Variants in PPP4R1 observed in about 807,000 individuals in gnomAD.
The protein encoded by PPP4R1 is protein phosphatase 4 regulatory subunit 1.
PPP4R1 carries 42 observed loss-of-function variants against 111.2 expected under a neutral mutation model. The ratio of observed to expected loss-of-function variants is 0.38; its 90% confidence interval spans 0.29 to 0.49. The LOEUF is 0.49. PPP4R1 is among the 20% of genes least tolerant of loss of function. PPP4R1 has a pLI of 0.97. For missense variants in PPP4R1, 1,012 were observed against 1,161.6 expected, an observed-to-expected ratio of 0.87 and a Z score of 1.87; for synonymous variants, 409 against 405.5, an observed-to-expected ratio of 1.01 and a Z score of -0.10.
In PPP4R1 at chr18:9,584,708, G is replaced by A. The variant is rs956255062; in HGVS notation, c.693+13C>T. 4 of 1,611,340 alleles carry A rather than the reference G, an allele frequency of 2.5e-6. No individual in the cohort carries two copies. The highest frequency in any genetic ancestry group is 1.1e-5 in the South Asian group (1 of 90,808). ...TGTTCTTAAACAGCAGAAAAAAAAC[G>A]ACAAAAAAATACCTTTCGAACGTGA... On this transcript the variant is annotated intron_variant, in intron 7 of 19. Transcript: ENST00000400556.
intron 2 of PPP4R1, among the ~76,000 whole-genome samples, chr18:9,612,912 A>ACTCGT (rs2067606613): frequency 6.6e-6 from 1 of 152,154 alleles, no homozygotes; most frequent in African/African-American, 2.4e-5. Context: ...AAGATAAATT[A>ACTCGT]CTCGTTTCAG....
chr18:9,556,028 G>A (rs1259110651), intron 15 of PPP4R1, among the ~76,000 whole-genome samples: 1 of 150,828 alleles, frequency 6.6e-6, no homozygotes, highest in African/African-American at 2.4e-5. Flanking sequence ...GGGCTTAGTG[G>A]CACGCACCTG....
Position 9,570,515 on chromosome 18 carries a change from A to C in PPP4R1, c.1215T>G (p.Ser405=). 6.2e-7 allele frequency: 1 copy of C among 1,614,214 alleles called. No individual in the cohort carries two copies. Among genetic ancestry groups the C allele is most frequent in the Admixed American group, 1.7e-5 (1 of 60,026 alleles). ...ATTCTGAGGACAAAGTACAAAGTAA[A>C]GAGCTGTCCAGTGGAACACTAATTT... ...LGEISVPLDS[S]LLCTLSSESH... Residue 405 remains serine, a synonymous_variant, in exon 11 of 20, where the codon TCT becomes TCG. Coordinates refer to ENST00000400556, the MANE Select transcript of PPP4R1 (RefSeq NM_001042388.3).
chr18:9,560,648 G>T (rs1184629916), intron 13 of PPP4R1, among the ~76,000 whole-genome samples: 1 of 152,104 alleles, frequency 6.6e-6, no homozygotes, highest in South Asian at 2.1e-4. Context: ...GTGGGGAAAA[G>T]CATGTTTCAA....
At chr18:9,554,724 T>C (rs2066543642) in intron 15 of PPP4R1, among the ~76,000 whole-genome samples, 1 of 152,202 alleles carries the variant, frequency 6.6e-6, no homozygotes, top group African/African-American at 2.4e-5. Flanking sequence ...AGGACCACAG[T>C]TCCTTGGAGA....
intron 4 of PPP4R1, among the ~76,000 whole-genome samples, chr18:9,590,854 A>C (rs2067199449): frequency 6.6e-6 from 1 of 152,214 alleles, no homozygotes; most frequent in Admixed American, 6.5e-5. Flanking sequence ...ATCTCAAAGA[A>C]GACACAAACG....
rs1448718621 is a variant in PPP4R1, at chr18:9,614,324, ACGCCCCCCCCCCGCC to A, written c.8-69_8-55del. ...GGTCAGCGCCCCGGGGCCCGGCGCGACGCCCCCCCCCCGCCCGCCTCCCCCCCGCCCCGGGGGCGC... is the reference window on the plus strand; with the variant it reads ...GGTCAGCGCCCCGGGGCCCGGCGCGACGCCTCCCCCCCGCCCCGGGGGCGC... On this transcript the variant is annotated intron_variant, in intron 1 of 19. Transcript: ENST00000400556. This position sits in a 1 kb window ranked among gnomAD's most constrained non-coding sequence, Gnocchi z 4.1. 225 of 1,020,858 alleles carry A rather than the reference ACGCCCCCCCCCCGCC, an allele frequency of 2.2e-4. No homozygotes were observed. The highest frequency in any genetic ancestry group is 4.9e-4 in the Admixed American group (7 of 14,404). The allele number at this position is 1,020,858 out of a possible 1,614,324, so 63.2% of individuals were successfully genotyped here.
chr18:9,602,599 C>T (rs1161907160), intron 2 of PPP4R1, among the ~76,000 whole-genome samples: 1 of 151,104 alleles, frequency 6.6e-6, no homozygotes, highest in Non-Finnish European at 1.5e-5. Context: ...GTGACTCACA[C>T]CTTTAATCCC....
At chr18:9,558,858 C>T (rs1190516787) in intron 14 of PPP4R1, among the ~76,000 whole-genome samples, 1 of 152,038 alleles carries the variant, frequency 6.6e-6, no homozygotes, top group East Asian at 1.9e-4. Context: ...GATGTCCAGA[C>T]AAAATGACGT....
At position 9,595,148 on chromosome 18, in the gene PPP4R1, C is replaced by T; in HGVS notation, c.58G>A (p.Val20Met). ...TCAGACTCTGAGCTGTAGTCATCCA[C>T]ACCAACTATCAGAGACATCAGAAAT... is the stretch of plus-strand genomic sequence containing the variant. ...DLQEDADGFG[V>M]DDYSSESDVI... is the part of the protein sequence containing the mutation. The change falls in exon 3 of 20, where the codon GTG becomes ATG. Residue 20 changes from valine to methionine, a missense_variant. By Grantham distance (21) the Val-to-Met change is conservative (BLOSUM62 1). Around this residue, in one of 2 missense-constraint regions of PPP4R1, gnomAD observed 707 missense variants for 742.1 expected, o/e 0.95. Coordinates refer to ENST00000400556, the MANE Select transcript of PPP4R1 (RefSeq NM_001042388.3). 6.2e-7 allele frequency: 1 copy of T among 1,613,666 alleles called. No individual in the cohort carries two copies. Among genetic ancestry groups the T allele is most frequent in the Non-Finnish European group, 8.5e-7 (1 of 1,179,710 alleles).
chr18:9,557,205 A>C lies in PPP4R1; in HGVS notation c.2190+16T>G. On this transcript the variant is annotated intron_variant, in intron 15 of 19. Coordinates refer to ENST00000400556, the MANE Select transcript of PPP4R1 (RefSeq NM_001042388.3). ...GAATTTTGTTGTGTTTTTATGCAAA[A>C]AAATTTAAAAGTTACCTTCAGAAAA... The C allele has an allele frequency of 6.4e-7, 1 of 1,559,932 alleles. No individual in the cohort carries two copies. The highest frequency in any genetic ancestry group is 1.2e-5 in the South Asian group (1 of 82,622).
At chr18:9,550,904 A>C (rs2066478658) in intron 16 of PPP4R1, 1 of 153,030 alleles carries the variant, frequency 6.5e-6, no homozygotes, top group Non-Finnish European at 1.5e-5. Flanking sequence ...AGGGGCCCTG[A>C]GACTTTCATG....
At chr18:9,582,915 C>T (rs191384911) in intron 9 of PPP4R1, among the ~76,000 whole-genome samples, 10 of 152,194 alleles carry the variant, frequency 6.6e-5, no homozygotes, top group African/African-American at 1.9e-4. Context: ...ATCAACAGGA[C>T]TTAAATGTGT....
Position 9,614,107 on chromosome 18 carries a change from G to C in PPP4R1, c.52+119C>G. The C allele has an allele frequency of 1.1e-6, 1 of 917,596 alleles. No homozygotes were observed. Among genetic ancestry groups the C allele is most frequent in the Non-Finnish European group, 1.4e-6 (1 of 712,504 alleles). 56.8% of individuals were successfully genotyped at this position (917,596 alleles called of 1,614,324 possible). On this transcript the variant is annotated intron_variant, in intron 2 of 19. Coordinates refer to ENST00000400556, the MANE Select transcript of PPP4R1 (RefSeq NM_001042388.3). The surrounding 1 kb of genome is among the most constrained non-coding windows in gnomAD (Gnocchi z 4.1). ...CCGATCGCCACCCCAGCCCGCCTGG[G>C]GCCGCCCTCGCCCACCGTCCCCTCA...
chr18:9,556,254 A>G (rs572540497), intron 15 of PPP4R1, among the ~76,000 whole-genome samples: 16 of 150,334 alleles, frequency 1.1e-4, no homozygotes, highest in African/African-American at 2.2e-4. Context: ...GTGCAGTGGC[A>G]TGATCTTGGC....
At chr18:9,559,628 G>GT in intron 13 of PPP4R1, 24 bp from the exon 14 acceptor site, 1 of 1,524,908 alleles carries the variant, frequency 6.6e-7, no homozygotes, top group Non-Finnish European at 8.9e-7. Context: ...AGAAACCACA[G>GT]TGACTGAGCA....
chr18:9,587,069 AC>A (rs1212175277), intron 6 of PPP4R1, among the ~76,000 whole-genome samples: 2 of 152,160 alleles, frequency 1.3e-5, no homozygotes, highest in Admixed American at 1.3e-4. Context: ...CAAAGACCAT[AC>A]CTGTCAGAGC....
At position 9,614,099 on chromosome 18, in the gene PPP4R1, CCGCCTGGGG is replaced by C; in HGVS notation, c.52+118_52+126del. 1.2e-6 allele frequency: 1 copy of C among 843,046 alleles called. No individual in the cohort carries two copies. Among genetic ancestry groups the C allele is most frequent in the African/African-American group, 1.8e-5 (1 of 54,602 alleles). The allele number at this position is 843,046 out of a possible 1,614,324, so 52.2% of individuals were successfully genotyped here. A position where few individuals can be genotyped will look rare whatever the true frequency, so the allele number is the denominator to read the frequency against. ...TTTCCCCCCCGATCGCCACCCCAGCCCGCCTGGGGCCGCCCTCGCCCACCGTCCCCTCAG... is the reference window on the plus strand; with the variant it reads ...TTTCCCCCCCGATCGCCACCCCAGCCCCGCCCTCGCCCACCGTCCCCTCAG... On this transcript the variant is annotated intron_variant, in intron 2 of 19. Coordinates refer to ENST00000400556, the MANE Select transcript of PPP4R1 (RefSeq NM_001042388.3). This position sits in a 1 kb window ranked among gnomAD's most constrained non-coding sequence, Gnocchi z 4.1.
chr18:9,596,992 G>A (rs2067300219), intron 2 of PPP4R1, among the ~76,000 whole-genome samples: 1 of 152,192 alleles, frequency 6.6e-6, no homozygotes, highest in Admixed American at 6.5e-5. Context: ...GACAGAGCCA[G>A]GCATGCTGAT....
Sources: gnomAD v4.1 joint callset for allele counts (sites outside exome capture counted in the v4.1 genomes callset) on GRCh38, gnomAD v4.1.1 for gene constraint, gnomAD v4.1.1 regional missense constraint, Gnocchi (gnomAD v3.1) non-coding constraint, MANE v1.5 for transcripts, NCBI Gene and HGNC (gene_info 2026-07-23, HGNC 2026-07-21) for gene names.